The following OPTN variants were observed in gnomAD, a reference collection of about 807,000 sequenced individuals.
OPTN encodes E3-14.7K-interacting protein.
A neutral mutation model predicts 70.4 loss-of-function variants in OPTN; 54 were observed. That is an observed-to-expected ratio of 0.77 (90% CI 0.62 to 0.96). The LOEUF (loss-of-function observed/expected upper bound fraction) is 0.96, where lower values mean the gene tolerates loss of function less well. Ranked by LOEUF, OPTN falls within the 40% of genes least tolerant of loss-of-function variation. OPTN has a pLI of 0.00. For synonymous variants in OPTN, 256 were observed against 248.5 expected (o/e 1.03, Z -0.28); for missense variants, 624 against 673.2 (o/e 0.93, Z 0.81).
rs1455768274 is a variant in OPTN, at chr10:13,137,910, T to G, written c.*1044T>G. The G allele has an allele frequency of 4.5e-6, 1 of 221,388 alleles. No individual in the cohort carries two copies. Among genetic ancestry groups the G allele is most frequent in the African/African-American group, 2.2e-5 (1 of 44,698 alleles). The allele number at this position is 221,388 out of a possible 1,614,324, so 13.7% of individuals were successfully genotyped here. Reference sequence around the variant, plus strand: ...CTAAAAAGAACAGCTGCCTATTTTCTTCCTAGGTTAGGTTATATCTTCATA... The same window carrying G: ...CTAAAAAGAACAGCTGCCTATTTTCGTCCTAGGTTAGGTTATATCTTCATA... On this transcript the variant is annotated 3_prime_UTR_variant, in exon 15 of 15. Transcript: ENST00000378747.
chr10:13,112,773 A>T (rs1833037216), intron 5 of OPTN, 138 bp downstream of exon 5: 1 of 818,674 alleles, frequency 1.2e-6, no homozygotes. Context: ...ATTGGCTCTC[A>T]TTTTCTAAGT....
chr10:13,109,708 G>A (rs1325143067), intron 3 of OPTN: 18 of 174,720 alleles, frequency 1.0e-4, no homozygotes, highest in African/African-American at 3.9e-4. Flanking sequence ...GGTGGTGCAC[G>A]CCTCTGGTCC....
intron 6 of OPTN, among the ~76,000 whole-genome samples, chr10:13,116,803 A>G (rs1313852709): frequency 6.6e-6 from 1 of 152,236 alleles, no homozygotes; most frequent in Non-Finnish European, 1.5e-5. Flanking sequence ...AATGACTGAT[A>G]GCACTCTCAG....
intron 12 of OPTN, among the ~76,000 whole-genome samples, chr10:13,130,542 T>G (rs1043106090): frequency 1.3e-5 from 2 of 150,758 alleles, no homozygotes; most frequent in Non-Finnish European, 2.9e-5. Context: ...GTGATAGAAG[T>G]GAGACTAAAT....
rs887608902 is a variant in OPTN at position 13,138,290 on chromosome 10, A to G, written c.*1424A>G. 1.1e-5 allele frequency: 2 copies of G among 178,312 alleles called. No individual in the cohort carries two copies. Among genetic ancestry groups the G allele is most frequent in the Non-Finnish European group, 2.4e-5 (2 of 83,016 alleles). 11.0% of individuals were successfully genotyped at this position (178,312 alleles called of 1,614,324 possible). On this transcript the variant is annotated 3_prime_UTR_variant, in exon 15 of 15. Coordinates refer to ENST00000378747, the MANE Select transcript of OPTN (RefSeq NM_001008212.2). ...ACTAAAGCATTTAAGAAAAAATTAA[A>G]AGATCTCTTTTGTTTAAATTTGTCT... is the stretch of plus-strand genomic sequence containing the variant.
chr10:13,116,364 G>C, intron 6 of OPTN, 24 bp downstream of exon 6: 1 of 1,587,566 alleles, frequency 6.3e-7, no homozygotes. Context: ...GACTCGGGCT[G>C]TCAGGCAGAC....
At chr10:13,104,788 GA>G in intron 1 of OPTN, 1 of 550,988 alleles carries the variant, frequency 1.8e-6, no homozygotes, top group Non-Finnish European at 3.4e-6. Flanking sequence ...CATCTGGTTA[GA>G]ACATGATGCT....
At position 13,110,417 on chromosome 10, in the gene OPTN, A is replaced by C. The variant is rs764979306; in HGVS notation, c.310A>C (p.Asn104His). The change falls in exon 4 of 15, where the codon AAT (asparagine) becomes CAT (histidine). Residue 104 changes from asparagine (N) to histidine (H), a missense_variant. Physicochemically the swap from Asn to His is moderately conservative, Grantham distance 68 (BLOSUM62 1). Transcript: ENST00000378747. ...KERLMALSHE[N>H]EKLKEELGKL... ...GCGTCTAATGGCCTTGAGTCATGAGAATGAGAAATTGAAGGAAGAGCTTGG... is the reference window on the plus strand; with the variant it reads ...GCGTCTAATGGCCTTGAGTCATGAGCATGAGAAATTGAAGGAAGAGCTTGG... 2 of 1,614,146 alleles carry C rather than the reference A, an allele frequency of 1.2e-6. No individual in the cohort carries two copies. The highest frequency in any genetic ancestry group is 1.7e-6 in the Non-Finnish European group (2 of 1,180,006).
At chr10:13,110,093 C>A in intron 3 of OPTN, 181 bp from the exon 4 acceptor site, 3 of 1,072,702 alleles carry the variant, frequency 2.8e-6, no homozygotes, top group Non-Finnish European at 3.9e-6. Flanking sequence ...ATGTTCATCC[C>A]GCTAGTCTTT....
At chr10:13,111,234 A>C (rs1832987956) in intron 4 of OPTN, among the ~76,000 whole-genome samples, 1 of 152,130 alleles carries the variant, frequency 6.6e-6, no homozygotes, top group African/African-American at 2.4e-5. Flanking sequence ...GGAATTTTAG[A>C]CACAGCTTAT....
chr10:13,132,985 A>G (rs938909738), intron 13 of OPTN, among the ~76,000 whole-genome samples: 3 of 152,078 alleles, frequency 2.0e-5, no homozygotes, highest in Non-Finnish European at 2.9e-5. Context: ...ATCCATCATT[A>G]TATTCCTTTC....
At chr10:13,108,994 G>A in intron 2 of OPTN, 118 bp from the exon 3 acceptor site, 1 of 886,270 alleles carries the variant, frequency 1.1e-6, no homozygotes, top group Non-Finnish European at 1.9e-6. Context: ...TGTAACTGGA[G>A]AGAAAGTGGG....
intron 1 of OPTN, among the ~76,000 whole-genome samples, chr10:13,102,204 GAC>G (rs1048176427): frequency 6.6e-6 from 1 of 152,230 alleles, no homozygotes; most frequent in African/African-American, 2.4e-5. Context: ...AGGACGCAGA[GAC>G]AGAAGAATGC....
chr10:13,134,392 G>C (rs1052476899), intron 14 of OPTN, among the ~76,000 whole-genome samples: 1 of 151,828 alleles, frequency 6.6e-6, no homozygotes, highest in African/African-American at 2.4e-5. Flanking sequence ...TATTTTATAG[G>C]TGTTTGTGTG....
At chr10:13,118,603 T>A (rs1239779731) in intron 6 of OPTN, among the ~76,000 whole-genome samples, 2 of 152,162 alleles carry the variant, frequency 1.3e-5, no homozygotes, top group Admixed American at 1.3e-4. Flanking sequence ...GTGAGTTTTG[T>A]GGTGTGGTGT....
intron 5 of OPTN, among the ~76,000 whole-genome samples, chr10:13,115,472 TA>T (rs1833169362): frequency 1.1e-5 from 1 of 87,478 alleles, no homozygotes; most frequent in East Asian, 2.7e-4. Flanking sequence ...TAATATAGAA[TA>T]TATATAATAT....
rs376026903 is a variant in OPTN at position 13,125,555 on chromosome 10, C to T, written c.1136C>T (p.Thr379Ile). 8 of 1,613,962 alleles carry T rather than the reference C, an allele frequency of 5.0e-6. No individual in the cohort carries two copies. In the African/African-American group the frequency reaches 1.1e-4, roughly 22 times the overall value. The change falls in exon 10 of 15, where the codon ACA becomes ATA. Residue 379 changes from threonine (T) to isoleucine (I), a missense_variant. Transcript: ENST00000378747. ...GAAATCAAAATGGAACAGGCTAAAA[C>T]AGAGGATGAAAAGTGAGTATGTTGA... Reference protein sequence around the residue: ...LSEIKMEQAKTEDEKSKLTVL... With the variant: ...LSEIKMEQAKIEDEKSKLTVL...
At position 13,125,711 on chromosome 10, in the gene OPTN, G is replaced by C. The variant is rs1413493361; in HGVS notation, c.1148+144G>C. On this transcript the variant is annotated intron_variant, in intron 10 of 14. Transcript: ENST00000378747. ...AAGGAGTCCTAGCAGACCTCTCAGA[G>C]AGGGGGATAAAATTTAAAAGTTTTG... 4 of 950,070 alleles carry C rather than the reference G, an allele frequency of 4.2e-6. No homozygotes were observed. In the African/African-American group the frequency reaches 6.7e-5, roughly 16 times the overall value. The allele number at this position is 950,070 out of a possible 1,614,324, so 58.9% of individuals were successfully genotyped here.
rs570429546 is a variant in OPTN, at chr10:13,120,433, C to G, written c.779+1393C>G. ...GCTTTTGATGTCCCATCTGAGAAAC[C>G]GTTGCCTAACCCAAGGTCACAAAGA... On this transcript the variant is annotated intron_variant, in intron 7 of 14. Coordinates refer to ENST00000378747, the MANE Select transcript of OPTN (RefSeq NM_001008212.2). Among the ~76,000 whole-genome samples the G allele has an allele frequency of 2.6e-5, 4 of 151,966 alleles. No individual in the cohort carries two copies. The South Asian group carries it at 6.2e-4, about 24-fold the overall frequency.
Sources: gnomAD v4.1 joint callset for allele counts (sites outside exome capture counted in the v4.1 genomes callset) on GRCh38, gnomAD v4.1.1 for gene constraint, MANE v1.5 for transcripts, NCBI Gene and HGNC (gene_info 2026-07-23, HGNC 2026-07-21) for gene names.